The following APP variants were observed in gnomAD, a reference collection of about 807,000 sequenced individuals.
APP encodes the protein amyloid beta precursor protein.
In APP, 31 loss-of-function variants were observed where a neutral mutation model predicts 101.4. That is an observed-to-expected ratio of 0.31 (90% CI 0.23 to 0.41). The LOEUF is 0.41. Among genes scored for constraint, APP ranks in the 10% least tolerant of loss-of-function variants. The pLI, the probability that APP is intolerant of heterozygous loss-of-function variation, is 1.00. For synonymous variants in APP, 366 were observed against 364.4 expected (o/e 1.00, Z -0.05); for missense variants, 839 against 1,003.7 (o/e 0.84, Z 2.22).
chr21:25,969,324 G>T (rs1334342758), intron 11 of APP, among the ~76,000 whole-genome samples: 1 of 139,436 alleles, frequency 7.2e-6, no homozygotes, highest in Non-Finnish European at 1.5e-5. Flanking sequence ...CTCCAGCCTG[G>T]GCGACAAAGC....
chr21:25,931,988 G>C lies in APP; in HGVS notation c.1688-20026C>G, dbSNP rs140787720. ...AGATTCCCCAAAAGGGATTTATCTG[G>C]TAATAAATTCTGCTAGACAATGAAC... On this transcript the variant is annotated intron_variant, in intron 13 of 17. Transcript: ENST00000346798. 4.6e-5 allele frequency among the ~76,000 whole-genome samples: 7 copies of C among 152,250 alleles called. No individual in the cohort carries two copies. In the East Asian group the frequency reaches 1.2e-3, roughly 25 times the overall value.
chr21:26,064,915 G>A (rs909874419), intron 3 of APP, among the ~76,000 whole-genome samples: 5 of 152,120 alleles, frequency 3.3e-5, no homozygotes, highest in Non-Finnish European at 5.9e-5. Context: ...GTGCACTGGC[G>A]TGATCTTGGC....
chr21:26,017,938 T>G lies in APP; in HGVS notation c.865+3902A>C, dbSNP rs149808450. Among the ~76,000 whole-genome samples, 440 of 152,182 alleles carry G rather than the reference T, an allele frequency of 2.9e-3. 2 individuals are homozygous for G. Among genetic ancestry groups the G allele is most frequent in the Middle Eastern group, 6.8e-3 (2 of 294 alleles). On this transcript the variant is annotated intron_variant, in intron 6 of 17. Transcript: ENST00000346798. Reference sequence around the variant, plus strand: ...AAACCAGATAGATCTTGCAATCGTGTGCTCACTTTTATTTTTATTTTTTTG... The same window carrying G: ...AAACCAGATAGATCTTGCAATCGTGGGCTCACTTTTATTTTTATTTTTTTG...
At chr21:26,165,110 G>C (rs1445259102) in intron 1 of APP, among the ~76,000 whole-genome samples, 2 of 151,506 alleles carry the variant, frequency 1.3e-5, no homozygotes, top group Non-Finnish European at 2.9e-5. Flanking sequence ...TTTAAATTTA[G>C]ATCAAACTCA....
chr21:26,007,823 T>C (rs147663291), intron 6 of APP, among the ~76,000 whole-genome samples: 2 of 152,292 alleles, frequency 1.3e-5, no homozygotes, highest in African/African-American at 4.8e-5. Flanking sequence ...TGCTTGTACG[T>C]AGTGGCAAGC....
At chr21:25,990,239 A>G (rs573836170) in intron 8 of APP, among the ~76,000 whole-genome samples, 1 of 152,358 alleles carries the variant, frequency 6.6e-6, no homozygotes, top group South Asian at 2.1e-4. Context: ...ATAATCTATG[A>G]TGTGTTTACT....
intron 3 of APP, among the ~76,000 whole-genome samples, chr21:26,056,491 G>A (rs1202935958): frequency 1.3e-5 from 2 of 152,154 alleles, no homozygotes; most frequent in African/African-American, 4.8e-5. Flanking sequence ...CCATATTCTT[G>A]AACTTGTGTT....
chr21:26,045,810 C>G (rs899742968), intron 5 of APP, among the ~76,000 whole-genome samples: 4 of 152,146 alleles, frequency 2.6e-5, no homozygotes, highest in African/African-American at 9.7e-5. Context: ...TACGCACCCA[C>G]ACAAGCCACC....
intron 17 of APP, among the ~76,000 whole-genome samples, chr21:25,883,102 C>CT (rs1401688658): frequency 6.6e-6 from 1 of 152,120 alleles, no homozygotes; most frequent in Non-Finnish European, 1.5e-5. Flanking sequence ...ACAATTCAGA[C>CT]TAAAAGATCT....
intron 13 of APP, among the ~76,000 whole-genome samples, chr21:25,949,658 G>C (rs1008647234): frequency 1.3e-5 from 2 of 152,088 alleles, no homozygotes; most frequent in African/African-American, 4.8e-5. Flanking sequence ...TGGATCTTGA[G>C]GAGGCAAGGA....
At chr21:26,059,076 G>A (rs1390829112) in intron 3 of APP, among the ~76,000 whole-genome samples, 1 of 149,604 alleles carries the variant, frequency 6.7e-6, no homozygotes, top group Non-Finnish European at 1.5e-5. Flanking sequence ...GCGAGACTCC[G>A]TCTCAAAAAA....
In APP at chr21:25,891,722, C is replaced by T; in HGVS notation, c.2211G>A (p.Glu737=). 6.2e-7 allele frequency: 1 copy of T among 1,613,950 alleles called. No homozygotes were observed. The part of the protein sequence containing the change: ...QYTSIHHGVV[E]VDAAVTPEER... ...GAAACATGCAGTCAAGTTTACCTAC[C>T]TCCACCACACCATGATGAATGGATG... Residue 737 remains glutamate (E), a splice_region_variant and synonymous_variant, in exon 17 of 18, where the codon GAG becomes GAA. Transcript: ENST00000346798.
intron 14 of APP, among the ~76,000 whole-genome samples, chr21:25,908,340 A>T (rs911780814): frequency 6.6e-6 from 1 of 152,170 alleles, no homozygotes; most frequent in African/African-American, 2.4e-5. Context: ...TGGGCATCAG[A>T]ACCTCCTCTG....
chr21:26,086,585 A>T (rs966127319), intron 3 of APP, among the ~76,000 whole-genome samples: 6 of 152,102 alleles, frequency 3.9e-5, no homozygotes, highest in Non-Finnish European at 8.8e-5. Context: ...CTCTTGTCTA[A>T]AACATATATT....
chr21:25,915,763 T>G (rs1363833751), intron 13 of APP, among the ~76,000 whole-genome samples: 2 of 152,224 alleles, frequency 1.3e-5, no homozygotes, highest in East Asian at 3.9e-4. Flanking sequence ...CACTTGTACT[T>G]CACAGAACAG....
chr21:25,881,899 T>A (rs2037011219), intron 17 of APP, 128 bp from the exon 18 acceptor site: 1 of 955,582 alleles, frequency 1.0e-6, no homozygotes, highest in Admixed American at 2.0e-5. Context: ...ACCCATAATT[T>A]TCTCCCCCAC....
chr21:25,896,112 G>C (rs993775650), intron 16 of APP, among the ~76,000 whole-genome samples: 1 of 152,054 alleles, frequency 6.6e-6, no homozygotes, highest in African/African-American at 2.4e-5. Context: ...TGGTTCCCCA[G>C]TTTTTATTAA....
Position 25,972,963 on chromosome 21 carries a change from TATA to T in APP, c.1458+2104_1458+2106del, listed in dbSNP as rs1414365835. On this transcript the variant is annotated intron_variant, in intron 11 of 17. Coordinates refer to ENST00000346798, the MANE Select transcript of APP (RefSeq NM_000484.4). Reference sequence around the variant, plus strand: ...TTGTAAAGTACTGTCTGTGGAGTGGTATAATATCATTTGAACTGACATAACATC... The same window carrying T: ...TTGTAAAGTACTGTCTGTGGAGTGGTATATCATTTGAACTGACATAACATC... 2.0e-5 allele frequency among the ~76,000 whole-genome samples: 3 copies of T among 152,080 alleles called. 1 individual carries two copies. The highest frequency in any genetic ancestry group is 1.3e-4 in the Admixed American group (2 of 15,266).
chr21:25,952,111 T>C (rs1352603019), intron 13 of APP, among the ~76,000 whole-genome samples: 4 of 151,788 alleles, frequency 2.6e-5, no homozygotes, highest in African/African-American at 7.3e-5. Flanking sequence ...GAATGTGGCA[T>C]CTGGTATATT....
Sources: allele counts gnomAD v4.1 joint callset (sites outside exome capture counted in the v4.1 genomes callset), GRCh38; gene constraint gnomAD v4.1.1; transcripts MANE v1.5; gene names NCBI Gene and HGNC (gene_info 2026-07-23, HGNC 2026-07-21).